The following IRF2BPL variants were observed in gnomAD, a reference collection of about 807,000 sequenced individuals.
IRF2BPL encodes the protein probable E3 ubiquitin-protein ligase IRF2BPL.
Under a neutral mutation model 51.2 loss-of-function variants are expected in IRF2BPL, and 13 were observed. The observed-to-expected ratio is 0.25, with a 90% CI of 0.17 to 0.40. IRF2BPL has a LOEUF of 0.40. IRF2BPL is among the 10% of genes least tolerant of loss of function. The probability of loss-of-function intolerance (pLI) is 1.00; values close to 1 mark genes in which losing one functional copy is unlikely to be tolerated. For synonymous variants in IRF2BPL, 768 were observed against 509.2 expected, an observed-to-expected ratio of 1.51 and a Z score of -6.84; for missense variants, 1,210 against 1,111.8, an observed-to-expected ratio of 1.09 and a Z score of -1.26.
Position 77,027,501 on chromosome 14 carries a change from C to CCCGGG in IRF2BPL, c.291_292insCCCGG (p.Ala98ProfsTer56). On this transcript the variant is annotated frameshift_variant, in exon 1 of 1. Transcript: ENST00000238647. LOFTEE classifies it high-confidence loss of function. ...TGTTGCTGTTGCGCGGCGGCGGCGGCGGCCGCCGCTGCTGCCGCCGCCGCC... is the reference window on the plus strand; with the variant it reads ...TGTTGCTGTTGCGCGGCGGCGGCGGCCCGGGGGCCGCCGCTGCTGCCGCCGCCGCC... 1.3e-5 allele frequency: 8 copies of CCCGGG among 634,982 alleles called. No individual in the cohort carries two copies. The highest frequency in any genetic ancestry group is 9.7e-5 in the South Asian group (2 of 20,618). 39.3% of individuals were successfully genotyped at this position (634,982 alleles called of 1,614,324 possible).
chr14:77,025,411 T>C lies in IRF2BPL; in HGVS notation c.2382A>G (p.Arg794=). 2 of 1,555,866 alleles carry C rather than the reference T, an allele frequency of 1.3e-6. No homozygotes were observed. Among genetic ancestry groups the C allele is most frequent in the Non-Finnish European group, 8.7e-7 (1 of 1,148,416 alleles). ...LAGDVKVKKE[R]DP is the part of the protein sequence containing the mutation. ...GTGGCTGCCCAGTGGTTCAAGGGTC[T>C]CTCTCCTTTTTCACTTTAACATCCC... Residue 794 remains arginine, a synonymous_variant, in exon 1 of 1, where the codon AGA becomes AGG. Coordinates refer to ENST00000238647, the MANE Select transcript of IRF2BPL (RefSeq NM_024496.4).
At position 77,025,894 on chromosome 14, in the gene IRF2BPL, A is replaced by G; in HGVS notation, c.1899T>C (p.Thr633=). ...PMAALMSVAD[T]LGTAHSPKDG... Reference sequence around the variant, plus strand: ...CCTTGGGCGAGTGCGCTGTGCCCAGAGTATCTGCCACCGACATGAGAGCGG... The same window carrying G: ...CCTTGGGCGAGTGCGCTGTGCCCAGGGTATCTGCCACCGACATGAGAGCGG... Residue 633 remains threonine (T), a synonymous_variant, in exon 1 of 1, where the codon ACT becomes ACC. Coordinates refer to ENST00000238647, the MANE Select transcript of IRF2BPL (RefSeq NM_024496.4). 2 of 1,611,750 alleles carry G rather than the reference A, an allele frequency of 1.2e-6. No individual in the cohort carries two copies. Among genetic ancestry groups the G allele is most frequent in the Non-Finnish European group, 1.7e-6 (2 of 1,179,612 alleles).
chr14:77,025,978 G>A lies in IRF2BPL; in HGVS notation c.1815C>T (p.Pro605=). Residue 605 remains proline, a synonymous_variant, in exon 1 of 1, where the codon CCC becomes CCT. Coordinates refer to ENST00000238647, the MANE Select transcript of IRF2BPL (RefSeq NM_024496.4). ...GPPPPPPPLG[P]HSNRTTPPES... ...CAGGTGGGGTGGTCCGGTTGGAATG[G>A]GGTCCCAGAGGTGGGGGCGGCGGAG... 1 of 1,590,328 alleles carries A rather than the reference G, an allele frequency of 6.3e-7. No homozygotes were observed. Among genetic ancestry groups the A allele is most frequent in the Non-Finnish European group, 8.6e-7 (1 of 1,169,190 alleles).
chr14:77,027,887 T>A lies in IRF2BPL; in HGVS notation c.-95A>T. 1 of 1,346,920 alleles carries A rather than the reference T, an allele frequency of 7.4e-7. No homozygotes were observed. The highest frequency in any genetic ancestry group is 9.7e-7 in the Non-Finnish European group (1 of 1,034,608). The allele number at this position is 1,346,920 out of a possible 1,614,324, so 83.4% of individuals were successfully genotyped here. ...TGGCCGGCTGGGGAGGGAGTCCGACTGCGGGGGAGGGAGGAGGGGGGGCGA... is the reference window on the plus strand; with the variant it reads ...TGGCCGGCTGGGGAGGGAGTCCGACAGCGGGGGAGGGAGGAGGGGGGGCGA... On this transcript the variant is annotated 5_prime_UTR_variant, in exon 1 of 1. Coordinates refer to ENST00000238647, the MANE Select transcript of IRF2BPL (RefSeq NM_024496.4).
In IRF2BPL at chr14:77,025,453, G is replaced by A. The variant is rs903060962; in HGVS notation, c.2340C>T (p.Ile780=). ...NVPWAFMQGE[I]ATILAGDVKV... is the part of the protein sequence containing the mutation. The stretch of plus-strand genomic sequence containing the variant: ...TAACATCCCCAGCTAAGATAGTCGC[G>A]ATTTCGCCCTGCATGAAGGCCCAAG... The change falls in exon 1 of 1, where the codon ATC becomes ATT. Residue 780 remains isoleucine (I), a synonymous_variant. Coordinates refer to ENST00000238647, the MANE Select transcript of IRF2BPL (RefSeq NM_024496.4). 1 of 1,596,952 alleles carries A rather than the reference G, an allele frequency of 6.3e-7. No homozygotes were observed. Among genetic ancestry groups the A allele is most frequent in the Non-Finnish European group, 8.5e-7 (1 of 1,172,000 alleles).
Position 77,027,487 on chromosome 14 carries a change from CGCGGCG to C in IRF2BPL, c.300_305del (p.Ala101_Ala102del), listed in dbSNP as rs1323843419. 1.1e-4 allele frequency: 138 copies of C among 1,309,632 alleles called. 9 individuals carry two copies. Among genetic ancestry groups the C allele is most frequent in the Middle Eastern group, 2.8e-4 (1 of 3,558 alleles). The allele number at this position is 1,309,632 out of a possible 1,614,324, so 81.1% of individuals were successfully genotyped here. A position where few individuals can be genotyped will look rare whatever the true frequency, so the allele number is the denominator to read the frequency against. The stretch of plus-strand genomic sequence containing the variant: ...GCTGCTGCTGTTGCTGTTGCTGTTG[CGCGGCG>C]GCGGCGGCGGCCGCCGCTGCTGCCG... On this transcript the variant is annotated inframe_deletion, in exon 1 of 1. Coordinates refer to ENST00000238647, the MANE Select transcript of IRF2BPL (RefSeq NM_024496.4).
In IRF2BPL at chr14:77,024,829, C is replaced by G. The variant is rs897152030; in HGVS notation, c.*573G>C. ...CCCCCTTACCATTTTGCAAACAAAA[C>G]AGAAAAACAAAACAAAACAACAAAA... On this transcript the variant is annotated 3_prime_UTR_variant, in exon 1 of 1. Transcript: ENST00000238647. 4.0e-4 allele frequency: 12 copies of G among 30,054 alleles called. No homozygotes were observed. The highest frequency in any genetic ancestry group is 4.7e-4 in the Admixed American group (1 of 2,136). The allele number at this position is 30,054 out of a possible 1,614,324, so 1.9% of individuals were successfully genotyped here. A position where few individuals can be genotyped will look rare whatever the true frequency, so the allele number is the denominator to read the frequency against.
rs1207699304 is a variant in IRF2BPL at position 77,028,275 on chromosome 14, GC to G, written c.-484del. ...CCCCGACGGGCCCCCTGGGGCGAGG[GC>G]CAGAGGGTTCAGTGCCACCCGGTGC... is the stretch of plus-strand genomic sequence containing the variant. On this transcript the variant is annotated 5_prime_UTR_variant, in exon 1 of 1. Transcript: ENST00000238647. 2 of 240,968 alleles carry G rather than the reference GC, an allele frequency of 8.3e-6. No homozygotes were observed. Among genetic ancestry groups the G allele is most frequent in the Non-Finnish European group, 1.7e-5 (2 of 117,506 alleles). The allele number at this position is 240,968 out of a possible 1,614,324, so 14.9% of individuals were successfully genotyped here. A position where few individuals can be genotyped will look rare whatever the true frequency, so the allele number is the denominator to read the frequency against.
Position 77,027,858 on chromosome 14 carries a change from G to A in IRF2BPL, c.-66C>T, listed in dbSNP as rs986558023. On this transcript the variant is annotated 5_prime_UTR_variant, in exon 1 of 1. Coordinates refer to ENST00000238647, the MANE Select transcript of IRF2BPL (RefSeq NM_024496.4). ...CTCCGCGGCGCCTTCTCCTCCGGGA[G>A]GACTGGCCGGCTGGGGAGGGAGTCC... 3 of 1,416,180 alleles carry A rather than the reference G, an allele frequency of 2.1e-6. No individual in the cohort carries two copies. Among genetic ancestry groups the A allele is most frequent in the African/African-American group, 1.5e-5 (1 of 67,882 alleles). 87.7% of individuals were successfully genotyped at this position (1,416,180 alleles called of 1,614,324 possible).
Position 77,027,902 on chromosome 14 carries a change from A to AGG in IRF2BPL, c.-112_-111dup. 1 of 1,247,922 alleles carries AGG rather than the reference A, an allele frequency of 8.0e-7. No individual in the cohort carries two copies. The highest frequency in any genetic ancestry group is 1.1e-6 in the Non-Finnish European group (1 of 950,152). 77.3% of individuals were successfully genotyped at this position (1,247,922 alleles called of 1,614,324 possible). ...GGAGTCCGACTGCGGGGGAGGGAGG[A>AGG]GGGGGGGCGAGAAAGTTCTGCCCCA... On this transcript the variant is annotated 5_prime_UTR_variant, in exon 1 of 1. Transcript: ENST00000238647.
Position 77,026,389 on chromosome 14 carries a change from G to A in IRF2BPL, c.1404C>T (p.Ser468=), listed in dbSNP as rs1885123109. ...GGTCTCCAAGCAGGCGCCAGTCCCC[G>A]GAGCCGTGCTTCTTTTCGTACTCCA... ...KYLEYEKKHG[S]GDWRLLGDLL... is the part of the protein sequence containing the mutation. Residue 468 remains serine (S), a synonymous_variant, in exon 1 of 1, where the codon TCC becomes TCT. Transcript: ENST00000238647. 6.8e-6 allele frequency: 11 copies of A among 1,612,824 alleles called. No individual in the cohort carries two copies. The highest frequency in any genetic ancestry group is 1.1e-5 in the South Asian group (1 of 91,058).
In IRF2BPL at chr14:77,027,815, G is replaced by A. The variant is rs777120173; in HGVS notation, c.-23C>T. The A allele has an allele frequency of 2.7e-6, 4 of 1,503,086 alleles. No individual in the cohort carries two copies. Among genetic ancestry groups the A allele is most frequent in the Admixed American group, 2.0e-5 (1 of 51,104 alleles). 93.1% of individuals were successfully genotyped at this position (1,503,086 alleles called of 1,614,324 possible). A position where few individuals can be genotyped will look rare whatever the true frequency, so the allele number is the denominator to read the frequency against. On this transcript the variant is annotated 5_prime_UTR_variant, in exon 1 of 1. Coordinates refer to ENST00000238647, the MANE Select transcript of IRF2BPL (RefSeq NM_024496.4). Reference sequence around the variant, plus strand: ...CATGATGCCTGCCCTGGGGAAGGTAGGCCCCCGCCCGGGCTGTCTCCGCGG... The same window carrying A: ...CATGATGCCTGCCCTGGGGAAGGTAAGCCCCCGCCCGGGCTGTCTCCGCGG...
Position 77,027,488 on chromosome 14 carries a change from GC to G in IRF2BPL, c.304del (p.Ala102ArgfsTer50). On this transcript the variant is annotated frameshift_variant, in exon 1 of 1. Coordinates refer to ENST00000238647, the MANE Select transcript of IRF2BPL (RefSeq NM_024496.4). LOFTEE classifies it high-confidence loss of function. Reference sequence around the variant, plus strand: ...CTGCTGCTGTTGCTGTTGCTGTTGCGCGGCGGCGGCGGCGGCCGCCGCTGCT... The same window carrying G: ...CTGCTGCTGTTGCTGTTGCTGTTGCGGGCGGCGGCGGCGGCCGCCGCTGCT... ...AAAAAAAAAAAQQQQQQQQQQ... is the reference protein window; with the variant it reads ...AAAAAAAAAAXQQQQQQQQQQ... 1 of 687,460 alleles carries G rather than the reference GC, an allele frequency of 1.5e-6. No individual in the cohort carries two copies. The highest frequency in any genetic ancestry group is 6.3e-5 in the Admixed American group (1 of 15,846). The allele number at this position is 687,460 out of a possible 1,614,324, so 42.6% of individuals were successfully genotyped here.
In IRF2BPL at chr14:77,027,058, G is replaced by A. The variant is rs1412956424; in HGVS notation, c.735C>T (p.Gly245=). The change falls in exon 1 of 1, where the codon GGC becomes GGT. Residue 245 remains glycine (G), a synonymous_variant. Transcript: ENST00000238647. ...LVTGLPNPGG[G]GGPQLTVPPN... is the part of the protein sequence containing the mutation. Reference sequence around the variant, plus strand: ...GGGGCACGGTGAGCTGGGGGCCTCCGCCACCCCCCGGGTTGGGCAGCCCCG... The same window carrying A: ...GGGGCACGGTGAGCTGGGGGCCTCCACCACCCCCCGGGTTGGGCAGCCCCG... 6 of 1,578,432 alleles carry A rather than the reference G, an allele frequency of 3.8e-6. No homozygotes were observed. Among genetic ancestry groups the A allele is most frequent in the South Asian group, 2.3e-5 (2 of 88,002 alleles).
rs768667703 is a variant in IRF2BPL at position 77,027,735 on chromosome 14, G to A, written c.58C>T (p.Pro20Ser). 1.9e-6 allele frequency: 3 copies of A among 1,606,842 alleles called. No homozygotes were observed. Among genetic ancestry groups the A allele is most frequent in the East Asian group, 2.3e-5 (1 of 43,854 alleles). ...CAGATCATGGCCCAGGGCATGCGGG[G>A]CAGGTCGCACAGGTAGCAAGATTGT... ...RRQSCYLCDL[P>S]RMPWAMIWDF... Residue 20 changes from proline (P) to serine (S), a missense_variant, in exon 1 of 1, where the codon CCC (proline) becomes TCC (serine). By Grantham distance (74) the Pro-to-Ser change is moderately conservative (BLOSUM62 -1). Coordinates refer to ENST00000238647, the MANE Select transcript of IRF2BPL (RefSeq NM_024496.4).
rs564979715 is a variant in IRF2BPL at position 77,027,093 on chromosome 14, C to A, written c.700G>T (p.Gly234Trp). 6.2e-7 allele frequency: 1 copy of A among 1,609,850 alleles called. No individual in the cohort carries two copies. The highest frequency in any genetic ancestry group is 8.5e-7 in the Non-Finnish European group (1 of 1,178,812). The change falls in exon 1 of 1, where the codon GGG (glycine) becomes TGG (tryptophan). Residue 234 changes from glycine (G) to tryptophan (W), a missense_variant. Gly to Trp is a radical substitution (Grantham distance 184, BLOSUM62 -2). Transcript: ENST00000238647. ...SVASRRGTHGGLVTGLPNPGG... is the reference protein window; with the variant it reads ...SVASRRGTHGWLVTGLPNPGG... ...GGGTTGGGCAGCCCCGTAACCAGCC[C>A]ACCGTGCGTTCCACGCCGAGACGCC...
chr14:77,025,652 C>CA lies in IRF2BPL; in HGVS notation c.2140dup (p.Cys714LeufsTer31), dbSNP rs1566785419. 1 of 1,569,936 alleles carries CA rather than the reference C, an allele frequency of 6.4e-7. No homozygotes were observed. Among genetic ancestry groups the CA allele is most frequent in the African/African-American group, 1.4e-5 (1 of 73,910 alleles). ...CAAACGTTCGTGGCAAATGGTGCAGCAGAGGGGTCCGCTGTTGGCCATGGG... is the reference window on the plus strand; with the variant it reads ...CAAACGTTCGTGGCAAATGGTGCAGCAAGAGGGGTCCGCTGTTGGCCATGGG... On this transcript the variant is annotated frameshift_variant, in exon 1 of 1. Coordinates refer to ENST00000238647, the MANE Select transcript of IRF2BPL (RefSeq NM_024496.4). LOFTEE classifies it high-confidence loss of function.
chr14:77,025,960 G>A lies in IRF2BPL; in HGVS notation c.1833C>T (p.Thr611=), dbSNP rs376254359. ...PPLGPHSNRT[T]PPESAPQNGP... ...CGTTCTGGGGGGCTGACTCAGGTGG[G>A]GTGGTCCGGTTGGAATGGGGTCCCA... Residue 611 remains threonine, a synonymous_variant, in exon 1 of 1, where the codon ACC becomes ACT. Transcript: ENST00000238647. 1 of 1,601,142 alleles carries A rather than the reference G, an allele frequency of 6.2e-7. No individual in the cohort carries two copies. Among genetic ancestry groups the A allele is most frequent in the South Asian group, 1.1e-5 (1 of 89,586 alleles).
In IRF2BPL at chr14:77,027,422, TGCTGC is replaced by T. The variant is rs760740524; in HGVS notation, c.366_370del (p.Gln123AlafsTer8). 389 of 215,386 alleles carry T rather than the reference TGCTGC, an allele frequency of 1.8e-3. 3 individuals are homozygous for T. In the South Asian group the frequency reaches 0.022, roughly 12 times the overall value. The allele number at this position is 215,386 out of a possible 1,614,324, so 13.3% of individuals were successfully genotyped here. On this transcript the variant is annotated frameshift_variant, in exon 1 of 1. Transcript: ENST00000238647. LOFTEE classifies it high-confidence loss of function. ...ATCAACGTGGTTGAGCTGTTGTTGC[TGCTGC>T]TGCTGCTGCTGCTGCTGCTGCTGTT...
Sources: allele counts gnomAD v4.1 joint callset, GRCh38; gene constraint gnomAD v4.1.1; transcripts MANE v1.5; gene names NCBI Gene and HGNC (gene_info 2026-07-23, HGNC 2026-07-21).